The following FAM171B variants were observed in gnomAD, a reference collection of about 807,000 sequenced individuals.
The protein encoded by FAM171B is family with sequence similarity 171 member B.
In FAM171B, 19 loss-of-function variants were observed where a neutral mutation model predicts 75.6. That is an observed-to-expected ratio of 0.25 (90% CI 0.18 to 0.37). The LOEUF is 0.37. Among genes scored for constraint, FAM171B ranks in the 10% least tolerant of loss-of-function variants. The pLI is 1.00. For missense variants in FAM171B, 848 were observed against 982.4 expected (o/e 0.86, Z 1.83); for synonymous variants, 367 against 361.7 (o/e 1.01, Z -0.17).
chr2:186,701,699 T>A (rs555109432), intron 1 of FAM171B, among the ~76,000 whole-genome samples: 70 of 152,320 alleles, frequency 4.6e-4, no homozygotes, highest in African/African-American at 1.6e-3. Context: ...CAAAAGGAGT[T>A]ATTTCTTGGT....
intron 3 of FAM171B, among the ~76,000 whole-genome samples, chr2:186,745,846 C>A (rs1353482693): frequency 2.0e-5 from 3 of 152,146 alleles, no homozygotes; most frequent in Admixed American, 6.5e-5. Flanking sequence ...ATAGGTAGTA[C>A]CTGTGAGTGA....
At chr2:186,702,208 AT>A (rs2105770968) in intron 1 of FAM171B, among the ~76,000 whole-genome samples, 1 of 152,360 alleles carries the variant, frequency 6.6e-6, no homozygotes, top group East Asian at 1.9e-4. Context: ...CTACACGCCT[AT>A]TCTGTATAGC....
chr2:186,704,376 A>T (rs772024134), intron 1 of FAM171B, among the ~76,000 whole-genome samples: 1 of 152,194 alleles, frequency 6.6e-6, no homozygotes, highest in African/African-American at 2.4e-5. Context: ...GGGTTATACT[A>T]ATATCTATGC....
chr2:186,697,320 C>G (rs116020091), intron 1 of FAM171B, among the ~76,000 whole-genome samples: 2 of 151,994 alleles, frequency 1.3e-5, no homozygotes, highest in Non-Finnish European at 2.9e-5. Flanking sequence ...AGTGCAGTGG[C>G]GTGATCATGG....
At chr2:186,754,872 A>T (rs573661701) in intron 6 of FAM171B, among the ~76,000 whole-genome samples, 142 of 152,234 alleles carry the variant, frequency 9.3e-4, no homozygotes, top group African/African-American at 3.4e-3. Flanking sequence ...AATGTATTTT[A>T]TGTGTGGCCC....
At chr2:186,743,367 G>T in intron 2 of FAM171B, 116 bp from the exon 3 acceptor site, 1 of 622,136 alleles carries the variant, frequency 1.6e-6, no homozygotes, top group Non-Finnish European at 2.9e-6. Flanking sequence ...TTCCCATCAA[G>T]CATTTGTTCC....
chr2:186,706,691 T>C (rs1017543615), intron 1 of FAM171B, among the ~76,000 whole-genome samples: 1 of 152,188 alleles, frequency 6.6e-6, no homozygotes, highest in Non-Finnish European at 1.5e-5. Context: ...TTGTGGTGAT[T>C]GTGCTTTCTG....
intron 2 of FAM171B, among the ~76,000 whole-genome samples, chr2:186,743,106 GA>G (rs1365204042): frequency 1.3e-5 from 2 of 151,774 alleles, no homozygotes; most frequent in East Asian, 1.9e-4. Context: ...ATGGAGCCAA[GA>G]AAAAAAATTT....
chr2:186,703,227 G>A (rs1302198090), intron 1 of FAM171B, among the ~76,000 whole-genome samples: 3 of 152,080 alleles, frequency 2.0e-5, no homozygotes, highest in African/African-American at 4.8e-5. Context: ...TTACAGGCGT[G>A]AGCCACTGTG....
intron 1 of FAM171B, among the ~76,000 whole-genome samples, chr2:186,729,491 T>C (rs1690082181): frequency 6.6e-6 from 1 of 152,132 alleles, no homozygotes; most frequent in South Asian, 2.1e-4. Context: ...ATATATTGCT[T>C]CTGGCTGACT....
At position 186,747,260 on chromosome 2, in the gene FAM171B, A is replaced by G. The variant is rs374648932; in HGVS notation, c.724+10A>G. 4.4e-5 allele frequency: 69 copies of G among 1,554,660 alleles called. No individual in the cohort carries two copies. The highest frequency in any genetic ancestry group is 6.0e-5 in the Non-Finnish European group (69 of 1,153,130). On this transcript the variant is annotated intron_variant, in intron 4 of 7. Transcript: ENST00000304698. The stretch of plus-strand genomic sequence containing the variant: ...ACTCTCAATAAACCAGGTATTATCT[A>G]CTTTTTGTATAATATAGTTATAAGA...
intron 1 of FAM171B, among the ~76,000 whole-genome samples, chr2:186,702,238 G>T (rs992662237): frequency 6.6e-6 from 1 of 152,118 alleles, no homozygotes; most frequent in African/African-American, 2.4e-5. Context: ...TCACTCCTAG[G>T]CAACAAATCT....
At chr2:186,703,862 A>G (rs1280715165) in intron 1 of FAM171B, among the ~76,000 whole-genome samples, 1 of 152,168 alleles carries the variant, frequency 6.6e-6, no homozygotes, top group Non-Finnish European at 1.5e-5. Flanking sequence ...TAAGAATGAA[A>G]TAGATGAAGA....
At chr2:186,753,875 C>T in intron 5 of FAM171B, 58 bp from the exon 6 acceptor site, 2 of 1,306,074 alleles carry the variant, frequency 1.5e-6, no homozygotes, top group Non-Finnish European at 2.2e-6. Flanking sequence ...GTATTCTGTG[C>T]ATGACCATCA....
chr2:186,731,433 T>A (rs1690111413), intron 1 of FAM171B, among the ~76,000 whole-genome samples: 1 of 152,192 alleles, frequency 6.6e-6, no homozygotes, highest in Non-Finnish European at 1.5e-5. Flanking sequence ...TGTAACTGTA[T>A]TCACATTTTG....
chr2:186,694,117 C>T lies in FAM171B; in HGVS notation c.-57C>T. ...CGCTGCCAGGAGCCCGCAGCCCTGG[C>T]GCCCGCCGCCGCCCGGAGCCCCGCA... is the stretch of plus-strand genomic sequence containing the variant. On this transcript the variant is annotated 5_prime_UTR_variant, in exon 1 of 8. Coordinates refer to ENST00000304698, the MANE Select transcript of FAM171B (RefSeq NM_177454.4). The T allele has an allele frequency of 7.0e-7, 1 of 1,421,518 alleles. No homozygotes were observed. The highest frequency in any genetic ancestry group is 9.1e-7 in the Non-Finnish European group (1 of 1,096,876). The allele number at this position is 1,421,518 out of a possible 1,614,324, so 88.1% of individuals were successfully genotyped here. A position where few individuals can be genotyped will look rare whatever the true frequency, so the allele number is the denominator to read the frequency against.
At chr2:186,700,277 T>C (rs1487428098) in intron 1 of FAM171B, among the ~76,000 whole-genome samples, 11 of 152,042 alleles carry the variant, frequency 7.2e-5, no homozygotes, top group Non-Finnish European at 1.3e-4. Context: ...AGGTAAAATG[T>C]ACATATGTGA....
chr2:186,737,217 T>C (rs1005898426), intron 1 of FAM171B, among the ~76,000 whole-genome samples: 6 of 152,238 alleles, frequency 3.9e-5, no homozygotes, highest in Non-Finnish European at 8.8e-5. Context: ...ATGTGATACA[T>C]GCTTACAAAG....
Position 186,747,149 on chromosome 2 carries a change from A to G in FAM171B, c.623A>G (p.Asn208Ser), listed in dbSNP as rs2105788345. 1.2e-6 allele frequency: 2 copies of G among 1,607,536 alleles called. No individual in the cohort carries two copies. The highest frequency in any genetic ancestry group is 2.7e-5 in the African/African-American group (2 of 74,734). Residue 208 changes from asparagine to serine, a missense_variant, in exon 4 of 8, where the codon AAC becomes AGC. Asn to Ser is a conservative substitution (Grantham distance 46). Transcript: ENST00000304698. ...FSKALIKLPD[N>S]HHISNVTGYL... The stretch of plus-strand genomic sequence containing the variant: ...AAAGCCTTAATTAAACTTCCTGACA[A>G]CCATCATATTAGCAACGTTACTGGC...
Sources: gnomAD v4.1 joint callset for allele counts (sites outside exome capture counted in the v4.1 genomes callset) on GRCh38, gnomAD v4.1.1 for gene constraint, MANE v1.5 for transcripts, NCBI Gene and HGNC (gene_info 2026-07-23, HGNC 2026-07-21) for gene names.